FAM216A: variants seen among roughly 807,000 people sequenced by gnomAD.
FAM216A encodes the protein family with sequence similarity 216 member A.
FAM216A carries 26 observed loss-of-function variants against 37.6 expected under a neutral mutation model. The observed-to-expected ratio is 0.69, with a 90% CI of 0.51 to 0.96. The LOEUF (loss-of-function observed/expected upper bound fraction) is 0.96. Ranked by LOEUF, FAM216A falls within the 40% of genes least tolerant of loss-of-function variation. The pLI is 0.00. For synonymous variants in FAM216A, 110 were observed against 121.7 expected (o/e 0.90, Z 0.64); for missense variants, 326 against 339.3 (o/e 0.96, Z 0.31).
intron 2 of FAM216A, among the ~76,000 whole-genome samples, chr12:110,477,696 G>C (rs1236819579): frequency 6.7e-6 from 1 of 150,050 alleles, no homozygotes; most frequent in Non-Finnish European, 1.5e-5. Flanking sequence ...GATTAAGATG[G>C]CTAGAAATAT....
Position 110,468,906 on chromosome 12 carries a change from C to G in FAM216A, c.31C>G (p.Arg11Gly). 6.6e-7 allele frequency: 1 copy of G among 1,521,298 alleles called. No homozygotes were observed. The highest frequency in any genetic ancestry group is 8.8e-7 in the Non-Finnish European group (1 of 1,136,876). 94.2% of individuals were successfully genotyped at this position (1,521,298 alleles called of 1,614,324 possible). A position where few individuals can be genotyped will look rare whatever the true frequency, so the allele number is the denominator to read the frequency against. The change falls in exon 1 of 7, where the codon CGC becomes GGC. Residue 11 changes from arginine (R) to glycine (G), a missense_variant. By Grantham distance (125) the Arg-to-Gly change is moderately radical. Transcript: ENST00000377673. MLGQLLPHTA[R>G]GLGAAEMPGQ... is the part of the protein sequence containing the mutation. ...GGGACAGCTGCTCCCGCACACGGCT[C>G]GCGGTCTCGGCGCCGCGGAGATGCC...
chr12:110,482,523 C>T (rs770948858), intron 2 of FAM216A, among the ~76,000 whole-genome samples: 15 of 151,988 alleles, frequency 9.9e-5, no homozygotes, highest in Admixed American at 3.9e-4. Context: ...AGGCCGGGCA[C>T]GGTGGCTCAC....
intron 5 of FAM216A, 44 bp downstream of exon 5, chr12:110,486,761 A>T (rs778475760): frequency 1.7e-5 from 22 of 1,291,658 alleles, no homozygotes; most frequent in Non-Finnish European, 1.7e-5. Context: ...TCTCAGTTTA[A>T]TTTTTTTTTT....
chr12:110,483,303 C>T (rs1309932397), intron 2 of FAM216A, among the ~76,000 whole-genome samples: 1 of 142,832 alleles, frequency 7.0e-6, no homozygotes, highest in African/African-American at 2.8e-5. Flanking sequence ...TGCACTCCAG[C>T]CTGGGCGACA....
intron 5 of FAM216A, 133 bp downstream of exon 5, chr12:110,486,850 G>A (rs2062779873): frequency 6.3e-6 from 5 of 791,888 alleles, no homozygotes; most frequent in Non-Finnish European, 9.8e-6. Context: ...CAAACTCCTG[G>A]GCTCAAGCAA....
chr12:110,472,775 A>G (rs2062693547), intron 1 of FAM216A, among the ~76,000 whole-genome samples: 2 of 151,936 alleles, frequency 1.3e-5, no homozygotes, highest in Non-Finnish European at 2.9e-5. Context: ...ATCTGAGGTC[A>G]GGAGTTTGAG....
chr12:110,468,524 C>T (rs1299565576), upstream of FAM216A: 4 of 1,537,184 alleles, frequency 2.6e-6, no homozygotes, highest in Non-Finnish European at 3.5e-6. Context: ...CCACGTGCTT[C>T]GGTCCGTGGT....
At chr12:110,476,138 A>G (rs981512063) in intron 2 of FAM216A, among the ~76,000 whole-genome samples, 2 of 152,202 alleles carry the variant, frequency 1.3e-5, no homozygotes, top group Non-Finnish European at 2.9e-5. Context: ...TTATTATTTC[A>G]ATAATATCCT....
intron 2 of FAM216A, among the ~76,000 whole-genome samples, chr12:110,482,929 T>C (rs1370136281): frequency 6.6e-6 from 1 of 152,082 alleles, no homozygotes; most frequent in Non-Finnish European, 1.5e-5. Context: ...CCCATTTATA[T>C]CAAACTCAAG....
intron 2 of FAM216A, among the ~76,000 whole-genome samples, chr12:110,473,654 T>C (rs1442497684): frequency 6.6e-6 from 1 of 152,208 alleles, no homozygotes; most frequent in African/African-American, 2.4e-5. Context: ...CAGTGAATCC[T>C]AAAAGAACTG....
intron 2 of FAM216A, among the ~76,000 whole-genome samples, chr12:110,474,134 C>A (rs1431107340): frequency 2.0e-5 from 3 of 151,894 alleles, no homozygotes; most frequent in Non-Finnish European, 4.4e-5. Context: ...ATAATATGGT[C>A]ATTTAAAAAA....
intron 5 of FAM216A, 58 bp downstream of exon 5, chr12:110,486,775 C>A: frequency 6.8e-7 from 1 of 1,470,100 alleles, no homozygotes; most frequent in Non-Finnish European, 9.3e-7. Flanking sequence ...TTTTTTTTCT[C>A]AGACAGGGTT....
chr12:110,485,170 A>C lies in FAM216A; in HGVS notation c.277A>C (p.Lys93Gln). The C allele has an allele frequency of 6.2e-7, 1 of 1,612,286 alleles. No homozygotes were observed. Among genetic ancestry groups the C allele is most frequent in the Non-Finnish European group, 8.5e-7 (1 of 1,179,588 alleles). The stretch of plus-strand genomic sequence containing the variant: ...CCAAAATCAAACAATCCACCTCTCT[A>C]AATCAATGATGGAGGCGTCCTTTTT... ...TPQNQTIHLS[K>Q]SMMEASFFKH... The change falls in exon 3 of 7, where the codon AAA (lysine) becomes CAA (glutamine). Residue 93 changes from lysine (K) to glutamine (Q), a missense_variant. By Grantham distance (53) the Lys-to-Gln change is moderately conservative. Transcript: ENST00000377673.
At chr12:110,471,105 T>A (rs1042814103) in intron 1 of FAM216A, among the ~76,000 whole-genome samples, 3 of 151,774 alleles carry the variant, frequency 2.0e-5, no homozygotes, top group African/African-American at 7.3e-5. Flanking sequence ...TTTTTCTTCT[T>A]TTTTTTTGAG....
At chr12:110,486,848 T>A in intron 5 of FAM216A, 131 bp downstream of exon 5, 1 of 812,412 alleles carries the variant, frequency 1.2e-6, no homozygotes, top group Non-Finnish European at 1.9e-6. Context: ...CTCAAACTCC[T>A]GGGCTCAAGC....
In FAM216A at chr12:110,486,538, C is replaced by T; in HGVS notation, c.441C>T (p.Val147=). ...VLQHSSQKPG[V]LTHHRSRLSS... is the part of the protein sequence containing the mutation. ...AACAGGTGATTTGTATCACAGGTGT[C>T]CTCACTCATCACAGAAGCCGCCTTA... The change falls in exon 5 of 7, where the codon GTC becomes GTT. Residue 147 remains valine (V), a synonymous_variant. Transcript: ENST00000377673. 1.2e-6 allele frequency: 2 copies of T among 1,612,736 alleles called. No individual in the cohort carries two copies. The highest frequency in any genetic ancestry group is 1.7e-6 in the Non-Finnish European group (2 of 1,179,016).
upstream of FAM216A, chr12:110,468,717 C>A: frequency 1.3e-6 from 2 of 1,505,802 alleles, no homozygotes; most frequent in African/African-American, 2.8e-5. Context: ...CGCTCCTGCC[C>A]CTCCCCCACC....
At chr12:110,483,766 T>C (rs1337618867) in intron 2 of FAM216A, among the ~76,000 whole-genome samples, 2 of 152,242 alleles carry the variant, frequency 1.3e-5, no homozygotes, top group African/African-American at 4.8e-5. Flanking sequence ...TGCAGTGAGC[T>C]GAGATTGTGC....
At chr12:110,484,100 G>A (rs1247588120) in intron 2 of FAM216A, among the ~76,000 whole-genome samples, 1 of 151,942 alleles carries the variant, frequency 6.6e-6, no homozygotes, top group Admixed American at 6.6e-5. Context: ...GGGCGTCAGA[G>A]ATCCCATCTC....
Sources: gnomAD v4.1 joint callset for allele counts (sites outside exome capture counted in the v4.1 genomes callset) on GRCh38, gnomAD v4.1.1 for gene constraint, MANE v1.5 for transcripts, NCBI Gene and HGNC (gene_info 2026-07-23, HGNC 2026-07-21) for gene names.